CHID1: variants seen among roughly 807,000 people sequenced by gnomAD.
CHID1 encodes chitinase domain containing 1, also known as chitinase domain-containing protein 1.
A neutral mutation model predicts 55.4 loss-of-function variants in CHID1; 44 were observed. That is an observed-to-expected ratio of 0.79 (90% CI 0.62 to 1.02). CHID1 has a LOEUF of 1.02. CHID1 is among the 50% of genes least tolerant of loss of function. The pLI, the probability that CHID1 is intolerant of heterozygous loss-of-function variation, is 0.00. For synonymous variants in CHID1, 216 were observed against 212.9 expected (o/e 1.01, Z -0.13); for missense variants, 491 against 515.3 (o/e 0.95, Z 0.46).
chr11:913,688 G>T (rs12289395), upstream of CHID1, among the ~76,000 whole-genome samples: 8 of 151,796 alleles, frequency 5.3e-5, no homozygotes, highest in African/African-American at 1.9e-4. Flanking sequence ...CATGAGAATC[G>T]CTTGAACTGG....
intron 8 of CHID1, among the ~76,000 whole-genome samples, chr11:890,261 G>A (rs533724220): frequency 3.3e-4 from 51 of 152,278 alleles, no homozygotes; most frequent in African/African-American, 1.1e-3. Context: ...GCCAGCACGC[G>A]GCCTGCCCCA....
upstream of CHID1, chr11:914,845 TGG>T (rs1852857160): frequency 3.0e-6 from 1 of 331,486 alleles, no homozygotes. Flanking sequence ...GCGGCGGCTC[TGG>T]GCGACTCCTC....
intron 5 of CHID1, 35 bp downstream of exon 5, chr11:900,901 C>T (rs373267664): frequency 3.0e-5 from 47 of 1,585,834 alleles, no homozygotes; most frequent in Non-Finnish European, 3.8e-5. Flanking sequence ...CAGTTTGAGC[C>T]ATCAGGGCCT....
Position 899,490 on chromosome 11 carries a change from G to T in CHID1, c.547-89C>A, listed in dbSNP as rs943904425. On this transcript the variant is annotated intron_variant, in intron 6 of 12. Coordinates refer to ENST00000323578, the MANE Select transcript of CHID1 (RefSeq NM_023947.4). ...GAAGCCCGCCACCTCGGCCCACATG[G>T]TCAGGTTGTGGCCTGGTCACTCACG... 5.6e-6 allele frequency: 7 copies of T among 1,252,980 alleles called. No homozygotes were observed. The African/African-American group carries it at 8.9e-5, about 16-fold the overall frequency. The allele number at this position is 1,252,980 out of a possible 1,614,324, so 77.6% of individuals were successfully genotyped here.
intron 1 of CHID1, 166 bp downstream of exon 1, chr11:910,609 G>GC: frequency 8.1e-7 from 1 of 1,241,020 alleles, no homozygotes; most frequent in Non-Finnish European, 1.0e-6. Context: ...CCTCTCACAC[G>GC]CCCCCTCACA....
chr11:896,503 G>A (rs1469036496), intron 7 of CHID1, among the ~76,000 whole-genome samples: 3 of 123,174 alleles, frequency 2.4e-5, no homozygotes, highest in African/African-American at 6.7e-5. Context: ...ACATGAGGCT[G>A]TCTCAGCACC....
At chr11:910,967 CGGGGCCGCGCCGGGGG>C (rs1325339213), upstream of CHID1, 5 of 305,562 alleles carry the variant, frequency 1.6e-5, no homozygotes, top group African/African-American at 1.2e-4. Context: ...GGGGCCGGGG[CGGGGCCGCGCCGGGGG>C]CGGACCCCGG....
chr11:890,286 G>A (rs776739158), intron 8 of CHID1, among the ~76,000 whole-genome samples: 1 of 152,234 alleles, frequency 6.6e-6, no homozygotes, highest in Non-Finnish European at 1.5e-5. Flanking sequence ...CTGAGGCTGC[G>A]GGCAAGAGGC....
At chr11:895,436 T>C (rs1851191621) in intron 7 of CHID1, among the ~76,000 whole-genome samples, 1 of 152,072 alleles carries the variant, frequency 6.6e-6, no homozygotes, top group South Asian at 2.1e-4. Context: ...GGAGACAACA[T>C]GGGCCCCGGA....
chr11:884,872 C>T (rs1224498626), intron 8 of CHID1, among the ~76,000 whole-genome samples: 2 of 152,210 alleles, frequency 1.3e-5, no homozygotes, highest in East Asian at 1.9e-4. Context: ...GCCCTTCCCT[C>T]GGGGACCTGC....
chr11:870,016 G>A, intron 12 of CHID1, 60 bp from the exon 13 acceptor site: 1 of 1,606,770 alleles, frequency 6.2e-7, no homozygotes, highest in Non-Finnish European at 8.5e-7. Flanking sequence ...ACCCAGGGAT[G>A]TCCTCCAGGC....
chr11:911,536 C>A (rs1385227781), upstream of CHID1: 1 of 152,174 alleles, frequency 6.6e-6, no homozygotes, highest in Non-Finnish European at 1.5e-5. Flanking sequence ...GAAAACCGCA[C>A]GGCCGGGCCC....
At chr11:885,010 A>G (rs1289004000) in intron 8 of CHID1, among the ~76,000 whole-genome samples, 2 of 152,184 alleles carry the variant, frequency 1.3e-5, no homozygotes, top group African/African-American at 2.4e-5. Context: ...GGGAGACAGG[A>G]GCAGTACATG....
intron 10 of CHID1, among the ~76,000 whole-genome samples, chr11:872,808 G>A (rs116125733): frequency 0.013 from 1,939 of 152,324 alleles, 35 homozygotes; most frequent in African/African-American, 0.043. Context: ...GGGCAGGGTT[G>A]GCCCTCGGGC....
Position 903,101 on chromosome 11 carries a change from G to C in CHID1, c.122C>G (p.Ser41Ter). 1 of 1,610,606 alleles carries C rather than the reference G, an allele frequency of 6.2e-7. No individual in the cohort carries two copies. The highest frequency in any genetic ancestry group is 8.5e-7 in the Non-Finnish European group (1 of 1,179,972). ...ACCCCGGTCTTGCACCGGCTTATCT[G>C]AAAACTGACTCTGAAATAAAAGGAG... ...SKTLLEKSQF[S>*]DKPVQDRGLV... Residue 41 changes from serine to a stop codon, truncating the protein, a stop_gained, in exon 3 of 13, where the codon TCA becomes TGA. Coordinates refer to ENST00000323578, the MANE Select transcript of CHID1 (RefSeq NM_023947.4). LOFTEE classifies it high-confidence loss of function.
intron 3 of CHID1, among the ~76,000 whole-genome samples, 190 bp downstream of exon 3, chr11:902,772 A>C (rs1416346236): frequency 6.6e-6 from 1 of 151,446 alleles, no homozygotes; most frequent in Non-Finnish European, 1.5e-5. Flanking sequence ...CCCTGGAGAG[A>C]CCCCCAGGGT....
chr11:891,398 G>A (rs1850808540), intron 8 of CHID1, among the ~76,000 whole-genome samples: 1 of 152,240 alleles, frequency 6.6e-6, no homozygotes, highest in Non-Finnish European at 1.5e-5. Context: ...TGCAAATGGA[G>A]TTGTGAGCTT....
At chr11:878,510 C>T (rs192184356) in intron 10 of CHID1, among the ~76,000 whole-genome samples, 44 of 151,918 alleles carry the variant, frequency 2.9e-4, no homozygotes, top group Admixed American at 1.2e-3. Context: ...ATGCGGTGAG[C>T]CAAGATCGCA....
intron 8 of CHID1, among the ~76,000 whole-genome samples, chr11:886,916 G>A (rs1850450063): frequency 6.6e-6 from 1 of 152,330 alleles, no homozygotes; most frequent in South Asian, 2.1e-4. Flanking sequence ...GAATAACATG[G>A]TTGAGCATCT....
Sources: gnomAD v4.1 joint callset for allele counts (sites outside exome capture counted in the v4.1 genomes callset) on GRCh38, gnomAD v4.1.1 for gene constraint, MANE v1.5 for transcripts, NCBI Gene and HGNC (gene_info 2026-07-23, HGNC 2026-07-21) for gene names.